MGAM: variants seen among roughly 807,000 people sequenced by gnomAD.
MGAM encodes the protein maltase-glucoamylase, also known as alpha-1,4-glucosidase.
Under a neutral mutation model 358.8 loss-of-function variants are expected in MGAM, and 253 were observed. That is an observed-to-expected ratio of 0.71 (90% CI 0.64 to 0.78). The LOEUF (loss-of-function observed/expected upper bound fraction) is 0.78. Ranked by LOEUF, MGAM falls within the 30% of genes least tolerant of loss-of-function variation. The probability of loss-of-function intolerance (pLI) is 0.00; values close to 1 mark genes in which losing one functional copy is unlikely to be tolerated. For missense variants in MGAM, 3,080 were observed against 3,432.6 expected, an observed-to-expected ratio of 0.90 and a Z score of 2.57; for synonymous variants, 1,105 against 1,227.1, an observed-to-expected ratio of 0.90 and a Z score of 2.08.
At chr7:142,045,636 A>G (rs772236753) in intron 21 of MGAM, among the ~76,000 whole-genome samples, 4 of 105,146 alleles carry the variant, frequency 3.8e-5, no homozygotes, top group Admixed American at 1.4e-4. Flanking sequence ...ATATATGAAT[A>G]TATAATATAT....
intron 2 of MGAM, among the ~76,000 whole-genome samples, chr7:142,007,227 A>G (rs929123250): frequency 3.9e-5 from 6 of 152,148 alleles, no homozygotes; most frequent in Admixed American, 6.6e-5. Context: ...TTTGAAATTT[A>G]TACATAGTTT....
At position 142,083,308 on chromosome 7, in the gene MGAM, G is replaced by T. The variant is rs182861014; in HGVS notation, c.6276G>T (p.Thr2092=). ...ATTTTTCTTCATTTTCAGATGTGAC[G>T]TTCCAGCCCCTGCCTGCCTTGACAT... The part of the protein sequence containing the change: ...LLLNSNAMDV[T]FQPLPALTYR... The change falls in exon 53 of 71, where the codon ACG becomes ACT. Residue 2092 remains threonine (T), a synonymous_variant. Coordinates refer to ENST00000475668, the MANE Select transcript of MGAM (RefSeq NM_001365693.1). 833 of 1,549,912 alleles carry T rather than the reference G, an allele frequency of 5.4e-4. 46 individuals carry two copies. In the African/African-American group the frequency reaches 9.9e-3, roughly 18 times the overall value.
At chr7:142,096,999 G>C (rs575207111) in intron 65 of MGAM, among the ~76,000 whole-genome samples, 192 of 150,826 alleles carry the variant, frequency 1.3e-3, no homozygotes, top group Non-Finnish European at 2.5e-3. Flanking sequence ...TGCTATGTCA[G>C]CTCAGTGCAA....
chr7:142,018,718 G>T (rs1185646546), intron 3 of MGAM, among the ~76,000 whole-genome samples: 4 of 152,122 alleles, frequency 2.6e-5, no homozygotes, highest in Admixed American at 2.6e-4. Context: ...CTGTAAACAT[G>T]TCATATATCT....
intron 11 of MGAM, 45 bp downstream of exon 11, chr7:142,030,538 G>A (rs1000274480): frequency 2.4e-5 from 39 of 1,611,364 alleles, no homozygotes; most frequent in Middle Eastern, 1.6e-4. Context: ...TTGCTCCTCC[G>A]TATCATACAC....
intron 1 of MGAM, among the ~76,000 whole-genome samples, chr7:142,000,708 A>G (rs1804663743): frequency 6.6e-6 from 1 of 152,228 alleles, no homozygotes; most frequent in African/African-American, 2.4e-5. Context: ...CTGTGATGAA[A>G]AACCTTTATT....
chr7:142,064,680 A>G (rs1812553208), intron 37 of MGAM, among the ~76,000 whole-genome samples, 158 bp downstream of exon 37: 1 of 152,214 alleles, frequency 6.6e-6, no homozygotes, highest in Non-Finnish European at 1.5e-5. Context: ...GCTCATTGAC[A>G]TGGAGCCAGG....
At chr7:142,042,589 AC>A (rs1271146551) in intron 21 of MGAM, among the ~76,000 whole-genome samples, 1 of 32,116 alleles carries the variant, frequency 3.1e-5, no homozygotes, top group African/African-American at 1.4e-4. Context: ...TATTATATAT[AC>A]ATATTATATA....
chr7:141,992,441 G>A (rs1157452211), upstream of MGAM, among the ~76,000 whole-genome samples: 17 of 152,142 alleles, frequency 1.1e-4, no homozygotes, highest in Admixed American at 1.1e-3. Context: ...GATTTTTAAA[G>A]TTCTTTAAGG....
At position 142,036,943 on chromosome 7, in the gene MGAM, C is replaced by T. The variant is rs782352514; in HGVS notation, c.2197C>T (p.Arg733Ter). 40 of 1,613,498 alleles carry T rather than the reference C, an allele frequency of 2.5e-5. No homozygotes were observed. The highest frequency in any genetic ancestry group is 6.7e-5 in the African/African-American group (5 of 74,892). ...LYTLFFRAHS[R>*]GDTVARPLLH... The stretch of plus-strand genomic sequence containing the variant: ...CACCCTCTTCTTCCGTGCTCACAGC[C>T]GAGGGGACACGGTGGCCAGGCCCCT... The change falls in exon 18 of 71, where the codon CGA (arginine) becomes TGA (stop). Residue 733 changes from arginine (R) to a stop codon, truncating the protein, a stop_gained. Transcript: ENST00000475668. LOFTEE classifies it high-confidence loss of function.
At chr7:142,070,065 C>A (rs796357583) in intron 43 of MGAM, among the ~76,000 whole-genome samples, 11 of 144,330 alleles carry the variant, frequency 7.6e-5, no homozygotes, top group African/African-American at 2.0e-4. Context: ...TAGGGGCATG[C>A]ACCTGTAGTC....
intron 70 of MGAM, among the ~76,000 whole-genome samples, chr7:142,105,573 C>G (rs1417876267): frequency 6.6e-6 from 1 of 152,200 alleles, no homozygotes; most frequent in Non-Finnish European, 1.5e-5. Context: ...CCGGCGTGAG[C>G]CACCGCACCC....
chr7:142,032,686 C>T, intron 13 of MGAM, 139 bp from the exon 14 acceptor site: 2 of 534,476 alleles, frequency 3.7e-6, no homozygotes. Flanking sequence ...GACAAGAACA[C>T]CTACTCTATT....
chr7:142,040,574 T>G (rs1808422428), intron 20 of MGAM, 148 bp from the exon 21 acceptor site: 1 of 1,074,158 alleles, frequency 9.3e-7, no homozygotes, highest in Non-Finnish European at 1.3e-6. Context: ...ATTCTTGATT[T>G]TTTTCCTTCT....
In MGAM at chr7:142,052,788, C is replaced by T. The variant is rs1811126737; in HGVS notation, c.2963C>T (p.Ser988Phe). 6.2e-7 allele frequency: 1 copy of T among 1,613,670 alleles called. No homozygotes were observed. The highest frequency in any genetic ancestry group is 1.7e-5 in the Admixed American group (1 of 59,990). ...GACTTTGGCCTTACTTTTCAGGCAT[C>T]CAATTCTTCTGGAGTCCCTTTTTGC... ...CTARGCIWEA[S>F]NSSGVPFCYF... Residue 988 changes from serine (S) to phenylalanine (F), a missense_variant, in exon 26 of 71, where the codon TCC becomes TTC. Transcript: ENST00000475668.
At chr7:142,047,649 T>C (rs1810515399) in intron 21 of MGAM, 136 bp from the exon 22 acceptor site, 3 of 757,144 alleles carry the variant, frequency 4.0e-6, no homozygotes, top group Non-Finnish European at 6.7e-6. Context: ...GTCAATTTTG[T>C]GTTTGTGCCT....
rs1808957240 is a variant in MGAM, at chr7:142,042,430, T to TATATAACATATAATATATAATATAAC, written c.2498+1591_2498+1616dup. ...TAACATATATTATATATACATATAA[T>TATATAACATATAATATATAATATAAC]ATATAACATATAATATATAATATAA... On this transcript the variant is annotated intron_variant, in intron 21 of 70. Transcript: ENST00000475668. Among the ~76,000 whole-genome samples the TATATAACATATAATATATAATATAAC allele has an allele frequency of 4.5e-3, 54 of 11,900 alleles. 11 individuals are homozygous for TATATAACATATAATATATAATATAAC. Among genetic ancestry groups the TATATAACATATAATATATAATATAAC allele is most frequent in the Non-Finnish European group, 9.8e-3 (51 of 5,184 alleles). The allele number at this position is 11,900 out of a possible 152,430, so 7.8% of individuals were successfully genotyped here.
chr7:142,001,369 G>A (rs1804719806), intron 1 of MGAM, among the ~76,000 whole-genome samples: 1 of 152,196 alleles, frequency 6.6e-6, no homozygotes, highest in African/African-American at 2.4e-5. Context: ...AAATGACTAA[G>A]GATGGCTGCT....
At chr7:142,044,251 T>C (rs1809626432) in intron 21 of MGAM, among the ~76,000 whole-genome samples, 1 of 134,524 alleles carries the variant, frequency 7.4e-6, no homozygotes, top group South Asian at 2.3e-4. Context: ...TATATACACA[T>C]ACGACATATA....
Sources: gnomAD v4.1 joint callset for allele counts (sites outside exome capture counted in the v4.1 genomes callset) on GRCh38, gnomAD v4.1.1 for gene constraint, MANE v1.5 for transcripts, NCBI Gene and HGNC (gene_info 2026-07-23, HGNC 2026-07-21) for gene names.